Variants in FHIT observed in about 807,000 individuals in gnomAD.
FHIT encodes fragile histidine triad diadenosine triphosphatase.
FHIT carries 19 observed loss-of-function variants against 17.9 expected under a neutral mutation model. That is an observed-to-expected ratio of 1.06 (90% CI 0.74 to 1.56). FHIT has a LOEUF of 1.56. Among genes scored for constraint, FHIT ranks in the 40% most tolerant of loss-of-function variants. The pLI, the probability that FHIT is intolerant of heterozygous loss-of-function variation, is 0.00. For synonymous variants in FHIT, 81 were observed against 69.7 expected, an observed-to-expected ratio of 1.16 and a Z score of -0.81; for missense variants, 248 against 189.2, an observed-to-expected ratio of 1.31 and a Z score of -1.82.
In FHIT at chr3:60,732,038, C is replaced by T. The variant is rs149032668; in HGVS notation, c.-18+89881G>A. On this transcript the variant is annotated intron_variant, in intron 4 of 9. Transcript: ENST00000492590. The stretch of plus-strand genomic sequence containing the variant: ...ACATGGAACCCAAAGGGAATTGCAG[C>T]GACAATACAAAGATTCTAGGATACT... 1,998 of 455,510 alleles carry T rather than the reference C, an allele frequency of 4.4e-3. 31 individuals are homozygous for T. Among genetic ancestry groups the T allele is most frequent in the African/African-American group, 0.035 (1,784 of 51,038 alleles). The allele number at this position is 455,510 out of a possible 1,614,324, so 28.2% of individuals were successfully genotyped here.
At chr3:60,925,376 A>G (rs1013443083) in intron 3 of FHIT, among the ~76,000 whole-genome samples, 6 of 152,234 alleles carry the variant, frequency 3.9e-5, no homozygotes, top group African/African-American at 1.4e-4. Flanking sequence ...CAGAAACCCT[A>G]GAAGCCAGAA....
chr3:60,334,815 A>G (rs1484338633), intron 5 of FHIT, among the ~76,000 whole-genome samples: 1 of 152,228 alleles, frequency 6.6e-6, no homozygotes, highest in African/African-American at 2.4e-5. Flanking sequence ...AAACCAACAA[A>G]CAAAAAAACT....
intron 5 of FHIT, among the ~76,000 whole-genome samples, chr3:60,405,919 T>C (rs987949069): frequency 2.0e-5 from 3 of 152,176 alleles, no homozygotes; most frequent in South Asian, 2.1e-4. Flanking sequence ...AATTTTCCCA[T>C]TGGAATCATG....
At chr3:60,197,077 T>G (rs1702682062) in intron 5 of FHIT, among the ~76,000 whole-genome samples, 1 of 152,216 alleles carries the variant, frequency 6.6e-6, no homozygotes, top group African/African-American at 2.4e-5. Flanking sequence ...GTGTGGTACA[T>G]ATTCCATTTA....
At chr3:60,251,647 T>C (rs1705717650) in intron 5 of FHIT, among the ~76,000 whole-genome samples, 1 of 152,196 alleles carries the variant, frequency 6.6e-6, no homozygotes, top group South Asian at 2.1e-4. Flanking sequence ...TGTGTGTGTA[T>C]CTAAAACCAT....
At chr3:61,077,270 A>T (rs1005999827) in intron 2 of FHIT, among the ~76,000 whole-genome samples, 1 of 152,136 alleles carries the variant, frequency 6.6e-6, no homozygotes, top group Non-Finnish European at 1.5e-5. Context: ...AGTATATACT[A>T]GTGAGAAATG....
At chr3:59,895,489 CTT>C (rs1704029850) in intron 8 of FHIT, among the ~76,000 whole-genome samples, 1 of 152,204 alleles carries the variant, frequency 6.6e-6, no homozygotes, top group Admixed American at 6.5e-5. Context: ...CAGAACATGA[CTT>C]TGCTTATTTG....
chr3:60,194,894 G>C (rs35144644), intron 5 of FHIT, among the ~76,000 whole-genome samples: 1 of 152,038 alleles, frequency 6.6e-6, no homozygotes, highest in South Asian at 2.1e-4. Flanking sequence ...GGCTGGGTGC[G>C]GTGGCTCACA....
At chr3:61,233,261 C>T (rs2040150212) in intron 1 of FHIT, among the ~76,000 whole-genome samples, 1 of 152,052 alleles carries the variant, frequency 6.6e-6, no homozygotes. Context: ...CACACACACA[C>T]ATTCACTGCA....
chr3:60,252,955 G>A (rs753435679), intron 5 of FHIT, among the ~76,000 whole-genome samples: 7 of 151,954 alleles, frequency 4.6e-5, no homozygotes, highest in South Asian at 2.1e-4. Context: ...CCGAGATAGC[G>A]CCACTGCACT....
intron 7 of FHIT, among the ~76,000 whole-genome samples, chr3:59,935,226 C>G (rs1706175692): frequency 6.6e-6 from 1 of 152,150 alleles, no homozygotes; most frequent in African/African-American, 2.4e-5. Context: ...TTCAAAATGA[C>G]TTTTAGGAGA....
chr3:61,073,691 C>G (rs2034880490), intron 2 of FHIT, among the ~76,000 whole-genome samples: 2 of 152,134 alleles, frequency 1.3e-5, no homozygotes, highest in Admixed American at 6.5e-5. Context: ...CTAGCCATCC[C>G]AGAATGTTGC....
intron 5 of FHIT, among the ~76,000 whole-genome samples, chr3:60,508,856 G>C (rs1240616389): frequency 6.6e-6 from 1 of 151,998 alleles, no homozygotes; most frequent in Non-Finnish European, 1.5e-5. Context: ...AGACACAGCT[G>C]TTACCATGCC....
In FHIT at chr3:60,989,724, T is replaced by C. The variant is rs376286807; in HGVS notation, c.-111+52323A>G. On this transcript the variant is annotated intron_variant, in intron 3 of 9. Coordinates refer to ENST00000492590, the MANE Select transcript of FHIT (RefSeq NM_002012.4). Reference sequence around the variant, plus strand: ...GGGGTTAGCAGTGCTTTTGACTCTTTTATGTTTCCCTTTGATTTACCATCT... The same window carrying C: ...GGGGTTAGCAGTGCTTTTGACTCTTCTATGTTTCCCTTTGATTTACCATCT... Among the ~76,000 whole-genome samples the C allele has an allele frequency of 9.8e-5, 15 of 152,312 alleles. No individual in the cohort carries two copies. The South Asian group carries it at 2.5e-3, about 25-fold the overall frequency.
chr3:60,708,325 T>A (rs574848557), intron 4 of FHIT, among the ~76,000 whole-genome samples: 3 of 152,268 alleles, frequency 2.0e-5, no homozygotes, highest in Non-Finnish European at 4.4e-5. Flanking sequence ...GACTAACCAT[T>A]ACATGGAAAG....
rs1281567026 is a variant in FHIT, at chr3:60,019,415, C to CTTTTT, written c.104-5268_104-5264dup. ...ATGGCATTTTAGAGTTGAGATGCTC[C>CTTTTT]TTTTTTTTTTTTTTTTTCCTGAGAT... On this transcript the variant is annotated intron_variant, in intron 5 of 9. Transcript: ENST00000492590. 3.3e-3 allele frequency among the ~76,000 whole-genome samples: 405 copies of CTTTTT among 121,068 alleles called. 11 individuals carry two copies. Among genetic ancestry groups the CTTTTT allele is most frequent in the Middle Eastern group, 0.014 (3 of 220 alleles). The allele number at this position is 121,068 out of a possible 152,430, so 79.4% of individuals were successfully genotyped here.
At chr3:60,764,591 T>C (rs1428668375) in intron 4 of FHIT, among the ~76,000 whole-genome samples, 5 of 152,182 alleles carry the variant, frequency 3.3e-5, no homozygotes, top group Admixed American at 3.3e-4. Flanking sequence ...TGTAACTTTC[T>C]ATTTATAAGT....
intron 3 of FHIT, among the ~76,000 whole-genome samples, chr3:61,040,704 A>G (rs887024089): frequency 3.3e-5 from 5 of 152,224 alleles, no homozygotes; most frequent in Non-Finnish European, 7.3e-5. Flanking sequence ...TCTATTAAAC[A>G]TTTGCACATG....
chr3:60,571,354 A>AAAG, intron 4 of FHIT, among the ~76,000 whole-genome samples: 1 of 149,846 alleles, frequency 6.7e-6, no homozygotes, highest in East Asian at 1.9e-4. Context: ...AAAAAAAAAA[A>AAAG]AAAAAAAAAG....
Sources: gnomAD v4.1 joint callset for allele counts (sites outside exome capture counted in the v4.1 genomes callset) on GRCh38, gnomAD v4.1.1 for gene constraint, MANE v1.5 for transcripts, NCBI Gene and HGNC (gene_info 2026-07-23, HGNC 2026-07-21) for gene names.